PCDHA6: variants seen among roughly 807,000 people sequenced by gnomAD.
The protein encoded by PCDHA6 is protocadherin alpha-6.
A neutral mutation model predicts 60.3 loss-of-function variants in PCDHA6; 55 were observed. That is an observed-to-expected ratio of 0.91 (90% CI 0.73 to 1.14). The LOEUF (loss-of-function observed/expected upper bound fraction) is 1.14, where lower values mean the gene tolerates loss of function less well. Among genes scored for constraint, PCDHA6 ranks in the 50% most tolerant of loss-of-function variants. The probability of loss-of-function intolerance (pLI) is 0.00; values close to 1 mark genes in which losing one functional copy is unlikely to be tolerated. For synonymous variants in PCDHA6, 652 were observed against 557.9 expected, an observed-to-expected ratio of 1.17 and a Z score of -2.38; for missense variants, 1,327 against 1,256.5, an observed-to-expected ratio of 1.06 and a Z score of -0.85.
At chr5:140,922,437 T>C (rs1462386336) in intron 1 of PCDHA6, among the ~76,000 whole-genome samples, 1 of 152,194 alleles carries the variant, frequency 6.6e-6, no homozygotes, top group African/African-American at 2.4e-5. Flanking sequence ...GGCAGAACTC[T>C]CTCATTATCC....
intron 1 of PCDHA6, among the ~76,000 whole-genome samples, chr5:140,978,500 G>T (rs1480843119): frequency 2.0e-5 from 3 of 152,228 alleles, no homozygotes; most frequent in Non-Finnish European, 2.9e-5. Context: ...GCAGCAGATT[G>T]CAGTCCTCTG....
chr5:140,917,164 G>C (rs155804), intron 1 of PCDHA6, among the ~76,000 whole-genome samples: 48,022 of 151,994 alleles, frequency 0.32, 7,940 homozygotes, highest in East Asian at 0.52. Context: ...TATGGGAGGG[G>C]TGATGGTGGT....
At chr5:140,856,949 ATAAAAG>A in intron 1 of PCDHA6, 1 of 1,592,772 alleles carries the variant, frequency 6.3e-7, no homozygotes, top group Non-Finnish European at 8.6e-7. Context: ...GACGGGAGAA[ATAAAAG>A]TAAATGATGC....
chr5:140,898,644 T>C (rs2066890005), intron 1 of PCDHA6, among the ~76,000 whole-genome samples: 2 of 152,226 alleles, frequency 1.3e-5, no homozygotes, highest in Admixed American at 1.3e-4. Context: ...GCTTTGTTCT[T>C]TTGGCTTAGG....
intron 1 of PCDHA6, chr5:140,870,783 C>A: frequency 6.2e-7 from 1 of 1,613,598 alleles, no homozygotes; most frequent in Non-Finnish European, 8.5e-7. Context: ...AGAACGACAA[C>A]GCGCCGGCAC....
At chr5:140,895,437 C>A (rs1250254286) in intron 1 of PCDHA6, among the ~76,000 whole-genome samples, 3 of 152,172 alleles carry the variant, frequency 2.0e-5, no homozygotes, top group Non-Finnish European at 2.9e-5. Context: ...TCCTGAGACT[C>A]TTTTCATGTG....
rs189901944 is a variant in PCDHA6, at chr5:140,916,206, G to A, written c.2395-62743G>A. 4.6e-3 allele frequency among the ~76,000 whole-genome samples: 705 copies of A among 152,282 alleles called. 3 individuals carry two copies. The highest frequency in any genetic ancestry group is 0.016 in the African/African-American group (682 of 41,562). ...AGGAAGTGGGCACCCCTCTGCCCTG[G>A]GGAAGATCCAAATATGCTTTCCAGG... On this transcript the variant is annotated intron_variant, in intron 1 of 3. Transcript: ENST00000529310.
chr5:140,935,736 A>G (rs2090532745), intron 1 of PCDHA6, among the ~76,000 whole-genome samples: 1 of 152,190 alleles, frequency 6.6e-6, no homozygotes, highest in Admixed American at 6.5e-5. Flanking sequence ...TCTAGTATCT[A>G]TTATTCCATA....
intron 1 of PCDHA6, among the ~76,000 whole-genome samples, chr5:140,959,109 G>A (rs1401809702): frequency 1.3e-5 from 2 of 152,040 alleles, no homozygotes; most frequent in African/African-American, 4.8e-5. Context: ...GCAGGGGTCC[G>A]AAGGTGGGCG....
chr5:140,946,631 T>TACAC (rs374022482), intron 1 of PCDHA6, among the ~76,000 whole-genome samples: 1 of 131,846 alleles, frequency 7.6e-6, no homozygotes, highest in Non-Finnish European at 1.5e-5. Flanking sequence ...TATATATATA[T>TACAC]ACAATGGAAT....
At chr5:140,973,768 A>G (rs1408539146) in intron 1 of PCDHA6, among the ~76,000 whole-genome samples, 3 of 152,258 alleles carry the variant, frequency 2.0e-5, no homozygotes, top group African/African-American at 7.2e-5. Flanking sequence ...ACAGCCTGGC[A>G]TATTATAGGT....
At chr5:140,929,014 C>T (rs1554206582) in intron 1 of PCDHA6, 5 of 1,614,110 alleles carry the variant, frequency 3.1e-6, no homozygotes, top group Non-Finnish European at 4.2e-6. Flanking sequence ...TACCAAGTTG[C>T]ACCAGAGCCC....
Position 140,849,743 on chromosome 5 carries a change from G to C in PCDHA6, c.2394+19258G>C. The C allele has an allele frequency of 1.9e-6, 3 of 1,598,504 alleles. No individual in the cohort carries two copies. The highest frequency in any genetic ancestry group is 2.6e-6 in the Non-Finnish European group (3 of 1,168,014). On this transcript the variant is annotated intron_variant, in intron 1 of 3. Transcript: ENST00000529310. ...TGCTGGACAGAGCTCTGGACCGCGA[G>C]AGTGTGTCCGCCTACGAGCTGGTGG...
chr5:140,994,233 T>A (rs2097606681), intron 3 of PCDHA6, among the ~76,000 whole-genome samples: 1 of 152,138 alleles, frequency 6.6e-6, no homozygotes, highest in Admixed American at 6.5e-5. Context: ...TATGTTATAA[T>A]CAATTCAAAC....
chr5:140,926,780 G>A, intron 1 of PCDHA6: 2 of 1,397,714 alleles, frequency 1.4e-6, no homozygotes, highest in Non-Finnish European at 1.9e-6. Context: ...CAGCAGTGAC[G>A]GCCGGCAGGA....
rs781792274 is a variant in PCDHA6, at chr5:140,927,895, G to A, written c.2395-51054G>A. The A allele has an allele frequency of 4.3e-5, 70 of 1,614,074 alleles. No homozygotes were observed. The highest frequency in any genetic ancestry group is 5.3e-5 in the Non-Finnish European group (62 of 1,180,048). On this transcript the variant is annotated intron_variant, in intron 1 of 3. Coordinates refer to ENST00000529310, the MANE Select transcript of PCDHA6 (RefSeq NM_018909.4). ...GCTGGTGGAGGTGACTGACGTGAACGATCATGCCCCCGAACTGGACTTCCT... is the reference window on the plus strand; with the variant it reads ...GCTGGTGGAGGTGACTGACGTGAACAATCATGCCCCCGAACTGGACTTCCT...
intron 1 of PCDHA6, among the ~76,000 whole-genome samples, chr5:140,831,946 G>T (rs928046102): frequency 1.3e-5 from 2 of 152,098 alleles, no homozygotes; most frequent in African/African-American, 2.4e-5. Flanking sequence ...AAGAGGAAAA[G>T]AAAAACTTTA....
At chr5:140,909,977 G>A (rs1554194042) in intron 1 of PCDHA6, among the ~76,000 whole-genome samples, 2 of 152,214 alleles carry the variant, frequency 1.3e-5, no homozygotes, top group African/African-American at 4.8e-5. Flanking sequence ...AAGGATGGGA[G>A]AAAGACTAAC....
At chr5:140,848,426 G>A in intron 1 of PCDHA6, 1 of 1,449,988 alleles carries the variant, frequency 6.9e-7, no homozygotes, top group Non-Finnish European at 9.4e-7. Context: ...GAATGGGACT[G>A]ACGAAATCAG....
Sources: allele counts gnomAD v4.1 joint callset (sites outside exome capture counted in the v4.1 genomes callset), GRCh38; gene constraint gnomAD v4.1.1; transcripts MANE v1.5; gene names NCBI Gene and HGNC (gene_info 2026-07-23, HGNC 2026-07-21).